Variants in GRID2 observed in about 807,000 individuals in gnomAD.
The protein encoded by GRID2 is glutamate ionotropic receptor delta type subunit 2, also known as glutamate receptor ionotropic, delta-2.
In GRID2, 33 loss-of-function variants were observed where a neutral mutation model predicts 114.8. The observed-to-expected ratio is 0.29, with a 90% CI of 0.22 to 0.38. The LOEUF (loss-of-function observed/expected upper bound fraction) is 0.38. Ranked by LOEUF, GRID2 falls within the 10% of genes least tolerant of loss-of-function variation. The pLI is 1.00. For synonymous variants in GRID2, 505 were observed against 449.9 expected, an observed-to-expected ratio of 1.12 and a Z score of -1.55; for missense variants, 1,184 against 1,257.7, an observed-to-expected ratio of 0.94 and a Z score of 0.89.
chr4:93,596,673 G>A (rs750641262), intron 13 of GRID2, among the ~76,000 whole-genome samples: 9 of 152,122 alleles, frequency 5.9e-5, no homozygotes, highest in African/African-American at 1.9e-4. Flanking sequence ...TAAAAATTAC[G>A]TTACATTGTT....
intron 2 of GRID2, among the ~76,000 whole-genome samples, chr4:92,706,019 C>T (rs923125771): frequency 2.6e-5 from 4 of 152,128 alleles, no homozygotes; most frequent in African/African-American, 9.7e-5. Context: ...GTCTAGACAC[C>T]TCATCAGCCT....
At chr4:92,967,688 A>G (rs1753244735) in intron 2 of GRID2, among the ~76,000 whole-genome samples, 1 of 151,944 alleles carries the variant, frequency 6.6e-6, no homozygotes, top group Non-Finnish European at 1.5e-5. Flanking sequence ...GAAAATAAAG[A>G]TGAGCTGTCT....
At chr4:93,289,782 C>G (rs1156275858) in intron 8 of GRID2, among the ~76,000 whole-genome samples, 1 of 152,028 alleles carries the variant, frequency 6.6e-6, no homozygotes, top group Non-Finnish European at 1.5e-5. Context: ...CTTCTTGTTC[C>G]CAGGCCATTA....
At position 93,595,862 on chromosome 4, in the gene GRID2, A is replaced by G. The variant is rs1174528888; in HGVS notation, c.2194-30407A>G. 5.3e-5 allele frequency among the ~76,000 whole-genome samples: 8 copies of G among 152,314 alleles called. No homozygotes were observed. In the South Asian group the frequency reaches 1.4e-3, roughly 28 times the overall value. On this transcript the variant is annotated intron_variant, in intron 13 of 15. Coordinates refer to ENST00000282020, the MANE Select transcript of GRID2 (RefSeq NM_001510.4). ...CTCTTCAGGTACCACATTAATAACAATTTCTACCTACCATGTATTGATCGC... is the reference window on the plus strand; with the variant it reads ...CTCTTCAGGTACCACATTAATAACAGTTTCTACCTACCATGTATTGATCGC...
intron 2 of GRID2, among the ~76,000 whole-genome samples, chr4:92,805,956 C>T (rs1560602900): frequency 6.6e-6 from 1 of 151,762 alleles, no homozygotes; most frequent in Non-Finnish European, 1.5e-5. Flanking sequence ...CTACTATCAC[C>T]TTCCTGGCAC....
intron 2 of GRID2, among the ~76,000 whole-genome samples, chr4:92,976,282 A>G (rs1464290885): frequency 2.0e-5 from 3 of 152,092 alleles, no homozygotes; most frequent in African/African-American, 7.2e-5. Context: ...TAAACAAATG[A>G]TGCAGTGTGT....
chr4:93,334,715 G>C (rs565023862), intron 8 of GRID2, among the ~76,000 whole-genome samples: 1 of 152,128 alleles, frequency 6.6e-6, no homozygotes, highest in African/African-American at 2.4e-5. Context: ...GATCACCTGA[G>C]GTGAGGAGTT....
chr4:92,466,090 G>A (rs933084887), intron 1 of GRID2, among the ~76,000 whole-genome samples: 9 of 151,568 alleles, frequency 5.9e-5, no homozygotes, highest in Non-Finnish European at 1.2e-4. Context: ...AAAAGTAATT[G>A]CAGTTTTTGC....
intron 2 of GRID2, among the ~76,000 whole-genome samples, chr4:92,720,479 A>C (rs1251523551): frequency 6.6e-6 from 1 of 152,162 alleles, no homozygotes; most frequent in African/African-American, 2.4e-5. Context: ...CAGGGATTTC[A>C]GAATCCTGGT....
chr4:92,510,518 T>C (rs2149131147), intron 1 of GRID2, among the ~76,000 whole-genome samples: 1 of 151,530 alleles, frequency 6.6e-6, no homozygotes, highest in South Asian at 2.1e-4. Context: ...TCATCAAGGG[T>C]TTGATAGAAG....
chr4:93,415,787 T>C (rs1767643219), intron 9 of GRID2, among the ~76,000 whole-genome samples: 1 of 152,036 alleles, frequency 6.6e-6, no homozygotes, highest in Non-Finnish European at 1.5e-5. Flanking sequence ...TAATAATAGC[T>C]TTAACTTTAT....
chr4:92,345,321 G>T (rs552568546), intron 1 of GRID2, among the ~76,000 whole-genome samples: 8 of 152,224 alleles, frequency 5.3e-5, no homozygotes, highest in Admixed American at 3.3e-4. Flanking sequence ...GTATTCCATA[G>T]TGTGTCTATA....
chr4:93,285,539 C>T (rs112558160), intron 8 of GRID2, among the ~76,000 whole-genome samples: 2,535 of 152,102 alleles, frequency 0.017, 70 homozygotes, highest in African/African-American at 0.058. Context: ...AAATAGCTGA[C>T]ACTGTGAAAT....
At chr4:93,034,689 C>A (rs922590479) in intron 2 of GRID2, among the ~76,000 whole-genome samples, 6 of 152,116 alleles carry the variant, frequency 3.9e-5, no homozygotes, top group Non-Finnish European at 5.9e-5. Flanking sequence ...AAACTCTATT[C>A]CCCTGAATAT....
In GRID2 at chr4:93,769,365, C is replaced by G. The variant is rs1189802769; in HGVS notation, c.2516C>G (p.Ala839Gly). Residue 839 changes from alanine (A) to glycine (G), a missense_variant, in exon 15 of 16, where the codon GCT becomes GGT. Coordinates refer to ENST00000282020, the MANE Select transcript of GRID2 (RefSeq NM_001510.4). ...KSFAGVFCILAAGIVLSCFIA... is the reference protein window; with the variant it reads ...KSFAGVFCILGAGIVLSCFIA... ...TTTGCAGGGGTCTTTTGTATCCTGG[C>G]TGCTGGAATTGTCCTCTCCTGCTTC... The G allele has an allele frequency of 6.2e-7, 1 of 1,613,924 alleles. No homozygotes were observed. Among genetic ancestry groups the G allele is most frequent in the Non-Finnish European group, 8.5e-7 (1 of 1,179,886 alleles).
chr4:92,534,888 A>G (rs1423141136), intron 1 of GRID2, among the ~76,000 whole-genome samples: 1 of 152,204 alleles, frequency 6.6e-6, no homozygotes, highest in Non-Finnish European at 1.5e-5. Flanking sequence ...ACTAATTAAC[A>G]GGAAAGTAAT....
chr4:93,422,929 T>G lies in GRID2; in HGVS notation c.1506T>G (p.Asp502Glu), dbSNP rs544383531. 4 of 1,613,702 alleles carry G rather than the reference T, an allele frequency of 2.5e-6. No homozygotes were observed. Among genetic ancestry groups the G allele is most frequent in the East Asian group, 4.5e-5 (2 of 44,850 alleles). The stretch of plus-strand genomic sequence containing the variant: ...ACAAATACGGAAGCCCACAAGAAGA[T>G]GGGACATGGAATGGCTTGGTAGGAG... ...PDHKYGSPQEDGTWNGLVGEL... is the reference protein window; with the variant it reads ...PDHKYGSPQEEGTWNGLVGEL... Residue 502 changes from aspartate (D) to glutamate (E), a missense_variant, in exon 10 of 16, where the codon GAT (aspartate) becomes GAG (glutamate). Transcript: ENST00000282020.
intron 2 of GRID2, among the ~76,000 whole-genome samples, chr4:92,715,264 G>T (rs1006294643): frequency 6.6e-6 from 1 of 152,124 alleles, no homozygotes; most frequent in African/African-American, 2.4e-5. Context: ...CTTCATGTCT[G>T]TCTGAGACCA....
chr4:92,858,541 G>C (rs1254345460), intron 2 of GRID2, among the ~76,000 whole-genome samples: 2 of 152,018 alleles, frequency 1.3e-5, no homozygotes, highest in African/African-American at 2.4e-5. Flanking sequence ...AAATTTTAAT[G>C]AATGAGGAGT....
Sources: gnomAD v4.1 joint callset for allele counts (sites outside exome capture counted in the v4.1 genomes callset) on GRCh38, gnomAD v4.1.1 for gene constraint, MANE v1.5 for transcripts, NCBI Gene and HGNC (gene_info 2026-07-23, HGNC 2026-07-21) for gene names.